The following SLCO2A1 variants were observed in gnomAD, a reference collection of about 807,000 sequenced individuals.
The protein encoded by SLCO2A1 is solute carrier organic anion transporter family member 2A1.
In SLCO2A1, 60 loss-of-function variants were observed where a neutral mutation model predicts 71.7. That is an observed-to-expected ratio of 0.84 (90% CI 0.68 to 1.04). The LOEUF is 1.04. Ranked by LOEUF, SLCO2A1 falls within the 50% of genes least tolerant of loss-of-function variation. The probability of loss-of-function intolerance (pLI) is 0.00; values close to 1 mark genes in which losing one functional copy is unlikely to be tolerated. For synonymous variants in SLCO2A1, 308 were observed against 326.7 expected (o/e 0.94, Z 0.62); for missense variants, 745 against 813.4 (o/e 0.92, Z 1.02).
intron 1 of SLCO2A1, among the ~76,000 whole-genome samples, chr3:134,025,099 G>A (rs527903004): frequency 2.0e-5 from 3 of 152,228 alleles, no homozygotes; most frequent in Admixed American, 6.5e-5. Flanking sequence ...ATGCACGGCC[G>A]AAGCATGAGA....
At chr3:134,023,803 G>C (rs1935644554) in intron 1 of SLCO2A1, among the ~76,000 whole-genome samples, 1 of 152,268 alleles carries the variant, frequency 6.6e-6, no homozygotes, top group African/African-American at 2.4e-5. Context: ...TGGCAGGTCA[G>C]AGGCCCAGAC....
At chr3:133,968,257 C>A (rs143539116) in intron 3 of SLCO2A1, among the ~76,000 whole-genome samples, 3 of 151,506 alleles carry the variant, frequency 2.0e-5, no homozygotes, top group Non-Finnish European at 4.4e-5. Context: ...CTCATAGACA[C>A]GCCTCCCTCA....
intron 3 of SLCO2A1, among the ~76,000 whole-genome samples, chr3:133,958,268 C>T (rs143838556): frequency 3.3e-5 from 5 of 152,270 alleles, no homozygotes; most frequent in Non-Finnish European, 5.9e-5. Context: ...ACCCTGAATT[C>T]GTGGCTCTCT....
rs146195307 is a variant in SLCO2A1 at position 133,947,260 on chromosome 3, G to C, written c.1291C>G (p.Pro431Ala). ...STPTVAEVYP[P>A]STSSSIHPQS... ...TCTACCCCTTATTCCCATTACCTAG[G>C]GGGGTAGACTTCGGCCACAGTTGGG... The change falls in exon 9 of 14, where the codon CCT becomes GCT. Residue 431 changes from proline to alanine, a missense_variant. Pro to Ala is a conservative substitution (Grantham distance 27, BLOSUM62 -1). Transcript: ENST00000310926. 8.4e-5 allele frequency: 135 copies of C among 1,613,846 alleles called. No individual in the cohort carries two copies. Among genetic ancestry groups the C allele is most frequent in the East Asian group, 2.7e-4 (12 of 44,890 alleles).
chr3:133,944,163 T>A (rs72980303), intron 10 of SLCO2A1, among the ~76,000 whole-genome samples: 1 of 152,172 alleles, frequency 6.6e-6, no homozygotes, highest in South Asian at 2.1e-4. Flanking sequence ...CTGGTGTGCA[T>A]AGAATTCTGT....
intron 1 of SLCO2A1, among the ~76,000 whole-genome samples, chr3:134,015,863 G>A (rs574901610): frequency 6.6e-6 from 1 of 152,188 alleles, no homozygotes; most frequent in East Asian, 1.9e-4. Flanking sequence ...ACCCAGAATA[G>A]ATCCACACAA....
At chr3:133,983,878 C>T (rs974875649) in intron 1 of SLCO2A1, among the ~76,000 whole-genome samples, 74 of 152,240 alleles carry the variant, frequency 4.9e-4, no homozygotes, top group African/African-American at 1.6e-3. Context: ...AAATTAGAGG[C>T]TCTTGCAAAG....
chr3:133,957,682 G>C (rs1933929605), intron 3 of SLCO2A1, among the ~76,000 whole-genome samples: 4 of 152,244 alleles, frequency 2.6e-5, no homozygotes, highest in South Asian at 2.1e-4. Context: ...CTCAGGAAAG[G>C]GGCTGGCTGC....
At chr3:133,994,811 G>A (rs1934929567) in intron 1 of SLCO2A1, among the ~76,000 whole-genome samples, 1 of 151,960 alleles carries the variant, frequency 6.6e-6, no homozygotes. Context: ...TCCAGTTCTT[G>A]CCCCGCTTCT....
At chr3:133,969,938 C>G (rs1277204089) in intron 3 of SLCO2A1, among the ~76,000 whole-genome samples, 1 of 152,124 alleles carries the variant, frequency 6.6e-6, no homozygotes, top group African/African-American at 2.4e-5. Flanking sequence ...CAACAGAAAT[C>G]CTAAGGACTC....
chr3:133,983,735 C>T (rs1333390636), intron 1 of SLCO2A1, among the ~76,000 whole-genome samples: 5 of 152,228 alleles, frequency 3.3e-5, no homozygotes, highest in Non-Finnish European at 5.9e-5. Context: ...CCTGTGCTGA[C>T]TCCTGTACAG....
intron 1 of SLCO2A1, among the ~76,000 whole-genome samples, chr3:133,990,273 C>T (rs192671308): frequency 2.0e-5 from 3 of 152,342 alleles, no homozygotes; most frequent in African/African-American, 7.2e-5. Context: ...AGTCTCCCTC[C>T]TTCTTCAGTT....
intron 1 of SLCO2A1, among the ~76,000 whole-genome samples, chr3:134,008,768 G>A (rs753320224): frequency 1.3e-5 from 2 of 152,354 alleles, no homozygotes; most frequent in African/African-American, 4.8e-5. Flanking sequence ...AGAGCAGAGA[G>A]AGCAGATTCC....
At chr3:134,008,764 G>A (rs1267249214) in intron 1 of SLCO2A1, among the ~76,000 whole-genome samples, 1 of 152,254 alleles carries the variant, frequency 6.6e-6, no homozygotes, top group Non-Finnish European at 1.5e-5. Context: ...CAGAAGAGCA[G>A]AGAGAGCAGA....
chr3:134,020,454 C>T (rs531324533), intron 1 of SLCO2A1, among the ~76,000 whole-genome samples: 11 of 152,352 alleles, frequency 7.2e-5, no homozygotes, highest in East Asian at 3.9e-4. Context: ...GCCCAAGCAA[C>T]GCAGATCCTG....
chr3:133,947,471 C>G (rs1187025601), intron 8 of SLCO2A1, 26 bp from the exon 9 acceptor site: 1 of 1,593,776 alleles, frequency 6.3e-7, no homozygotes, highest in Non-Finnish European at 8.6e-7. Flanking sequence ...AGGAGGTGAT[C>G]CAGGTGCACA....
At chr3:133,950,539 C>T (rs1333948805) in intron 6 of SLCO2A1, among the ~76,000 whole-genome samples, 3 of 152,170 alleles carry the variant, frequency 2.0e-5, no homozygotes, top group Non-Finnish European at 1.5e-5. Flanking sequence ...TCCATTCCTT[C>T]CCTACCCCCT....
intron 8 of SLCO2A1, 136 bp downstream of exon 8, chr3:133,948,400 C>A (rs1406417827): frequency 1.2e-6 from 1 of 829,502 alleles, no homozygotes. Context: ...CCTTAAAATT[C>A]TTTCTCCTGG....
chr3:133,955,461 T>G, intron 3 of SLCO2A1: 1 of 490,766 alleles, frequency 2.0e-6, no homozygotes, highest in Admixed American at 3.6e-5. Context: ...GGAATCTTCC[T>G]CTCGTGAGTG....
Sources: gnomAD v4.1 joint callset for allele counts (sites outside exome capture counted in the v4.1 genomes callset) on GRCh38, gnomAD v4.1.1 for gene constraint, MANE v1.5 for transcripts, NCBI Gene and HGNC (gene_info 2026-07-23, HGNC 2026-07-21) for gene names.